SUGP1: variants seen among roughly 807,000 people sequenced by gnomAD.
The protein encoded by SUGP1 is SURP and G-patch domain containing 1, also known as SURP and G-patch domain-containing protein 1.
A neutral mutation model predicts 76.5 loss-of-function variants in SUGP1; 34 were observed. That is an observed-to-expected ratio of 0.44 (90% CI 0.34 to 0.59). The LOEUF is 0.59. SUGP1 is among the 20% of genes least tolerant of loss of function. SUGP1 has a pLI of 0.01. For synonymous variants in SUGP1, 326 were observed against 326.2 expected, an observed-to-expected ratio of 1.00 and a Z score of 0.01; for missense variants, 752 against 851.7, an observed-to-expected ratio of 0.88 and a Z score of 1.46.
chr19:19,292,504 C>A (rs2061193251), intron 8 of SUGP1, among the ~76,000 whole-genome samples: 1 of 151,922 alleles, frequency 6.6e-6, no homozygotes, highest in African/African-American at 2.4e-5. Flanking sequence ...GAGTTCAAGA[C>A]CAGCCTGGCC....
intron 8 of SUGP1, among the ~76,000 whole-genome samples, chr19:19,282,189 A>G (rs939435124): frequency 3.9e-5 from 6 of 152,054 alleles, no homozygotes; most frequent in African/African-American, 1.4e-4. Context: ...CATATTAGTC[A>G]GGCTGGTCTT....
intron 8 of SUGP1, among the ~76,000 whole-genome samples, chr19:19,291,849 C>T (rs1217483888): frequency 2.7e-5 from 4 of 150,244 alleles, no homozygotes; most frequent in East Asian, 3.9e-4. Flanking sequence ...GCCGAGATCA[C>T]GCCACTGCAC....
chr19:19,310,164 G>C lies in SUGP1; in HGVS notation c.243C>G (p.Asn81Lys). 1.2e-6 allele frequency: 2 copies of C among 1,613,816 alleles called. No homozygotes were observed. Among genetic ancestry groups the C allele is most frequent in the Non-Finnish European group, 1.7e-6 (2 of 1,179,746 alleles). ...TNAHNSSCIS[N>K]KFANDGSFLQ... Reference sequence around the variant, plus strand: ...AGAAGCTACCATCGTTGGCAAACTTGTTGGAAATGCAGGAAGAGTTGTGTG... The same window carrying C: ...AGAAGCTACCATCGTTGGCAAACTTCTTGGAAATGCAGGAAGAGTTGTGTG... The change falls in exon 3 of 14, where the codon AAC (asparagine) becomes AAG (lysine). Residue 81 changes from asparagine (N) to lysine (K), a missense_variant. This residue lies in a region of SUGP1 where 620 missense variants were observed against 617.3 expected (regional missense o/e 1.00). Transcript: ENST00000247001.
chr19:19,295,945 G>A (rs1420278718), intron 8 of SUGP1, among the ~76,000 whole-genome samples: 1 of 152,194 alleles, frequency 6.6e-6, no homozygotes, highest in Non-Finnish European at 1.5e-5. Flanking sequence ...ATAAGCATAT[G>A]AAAATAAGCT....
intron 12 of SUGP1, among the ~76,000 whole-genome samples, 173 bp downstream of exon 12, chr19:19,277,561 C>T (rs771285640): frequency 3.9e-5 from 6 of 152,316 alleles, no homozygotes; most frequent in African/African-American, 1.4e-4. Context: ...GGACCCAGCC[C>T]GTATGGCCTC....
rs186067961 is a variant in SUGP1 at position 19,280,444 on chromosome 19, G to A, written c.1244-153C>T. 387 of 679,704 alleles carry A rather than the reference G, an allele frequency of 5.7e-4. 1 individual carries two copies. The highest frequency in any genetic ancestry group is 1.1e-3 in the Admixed American group (42 of 39,484). The allele number at this position is 679,704 out of a possible 1,614,324, so 42.1% of individuals were successfully genotyped here. On this transcript the variant is annotated intron_variant, in intron 8 of 13. Transcript: ENST00000247001. The stretch of plus-strand genomic sequence containing the variant: ...CTGTCAGTGCCACGTGGTACGTGAC[G>A]GCCTCGGGGTCCCGCTGTGTGCTGC...
chr19:19,290,120 C>T lies in SUGP1; in HGVS notation c.1243+6869G>A, dbSNP rs78586386. ...GTGGTAGACTGGCAGATGTGACCCG[C>T]CATCACACAAGAAGAATGGAAGAGA... On this transcript the variant is annotated intron_variant, in intron 8 of 13. Transcript: ENST00000247001. Among the ~76,000 whole-genome samples the T allele has an allele frequency of 3.1e-3, 473 of 152,158 alleles. 4 individuals carry two copies. The highest frequency in any genetic ancestry group is 0.01 in the African/African-American group (434 of 41,528).
chr19:19,303,178 G>T (rs1424967805), intron 6 of SUGP1, among the ~76,000 whole-genome samples, 170 bp downstream of exon 6: 1 of 152,170 alleles, frequency 6.6e-6, no homozygotes, highest in Non-Finnish European at 1.5e-5. Context: ...GAGGGGGAAG[G>T]TGGTGTCAGA....
At chr19:19,291,585 C>T (rs1001529081) in intron 8 of SUGP1, among the ~76,000 whole-genome samples, 1 of 151,808 alleles carries the variant, frequency 6.6e-6, no homozygotes, top group African/African-American at 2.4e-5. Flanking sequence ...TCGAAAAAAC[C>T]TTCCAACAAA....
intron 2 of SUGP1, among the ~76,000 whole-genome samples, chr19:19,310,977 C>T (rs1383864275): frequency 1.3e-5 from 2 of 152,026 alleles, no homozygotes; most frequent in East Asian, 3.9e-4. Flanking sequence ...GCTCTGCTGC[C>T]CTGGCTAAAG....
At chr19:19,289,005 C>T (rs1182982995) in intron 8 of SUGP1, among the ~76,000 whole-genome samples, 1 of 151,676 alleles carries the variant, frequency 6.6e-6, no homozygotes, top group Admixed American at 6.6e-5. Flanking sequence ...AGGCTGGTCT[C>T]GGACTCCTGA....
intron 6 of SUGP1, among the ~76,000 whole-genome samples, chr19:19,302,890 C>G (rs1318398237): frequency 4.6e-5 from 7 of 152,282 alleles, no homozygotes; most frequent in Middle Eastern, 3.4e-3. Context: ...TTCCCCTTCC[C>G]CTGAAATTCA....
At position 19,302,373 on chromosome 19, in the gene SUGP1, T is replaced by G. The variant is rs139824492; in HGVS notation, c.779A>C (p.Asp260Ala). Residue 260 changes from aspartate (D) to alanine (A), a missense_variant, in exon 7 of 14, where the codon GAC becomes GCC. By Grantham distance (126) the Asp-to-Ala change is moderately radical (BLOSUM62 -2). Transcript: ENST00000247001. ...AASQKVSPPE[D>A]EEVKNLAEKL... ...TTCTGCAAGGTTCTTGACCTCTTCG[T>G]CCTCTGGGGGTGAAACTTTAAGCAG... 19 of 1,614,036 alleles carry G rather than the reference T, an allele frequency of 1.2e-5. No individual in the cohort carries two copies. The South Asian group carries it at 2.0e-4, about 17-fold the overall frequency.
intron 8 of SUGP1, among the ~76,000 whole-genome samples, chr19:19,283,925 G>A (rs984115727): frequency 2.6e-5 from 4 of 152,178 alleles, no homozygotes; most frequent in African/African-American, 7.2e-5. Context: ...TAGTGCACAC[G>A]GTACTACTGT....
chr19:19,316,212 T>G, intron 2 of SUGP1: 25 of 601,296 alleles, frequency 4.2e-5, no homozygotes, highest in Middle Eastern at 4.5e-4. Context: ...GCTGAGTGGA[T>G]GAGTTGGCAG....
chr19:19,277,691 A>C (rs8107974), intron 12 of SUGP1, 43 bp downstream of exon 12: 1 of 1,601,320 alleles, frequency 6.2e-7, no homozygotes, highest in Non-Finnish European at 8.5e-7. Context: ...GGACCCACAG[A>C]CCCCAAGTTC....
intron 12 of SUGP1, 93 bp from the exon 13 acceptor site, chr19:19,277,169 G>T: frequency 6.8e-7 from 1 of 1,471,756 alleles, no homozygotes; most frequent in Non-Finnish European, 9.1e-7. Flanking sequence ...ACCTCCCGCG[G>T]GTGCAGGGCT....
chr19:19,306,349 ACTGGGGACAGTT>A (rs2061317932), intron 3 of SUGP1, among the ~76,000 whole-genome samples: 4 of 152,184 alleles, frequency 2.6e-5, no homozygotes, highest in Non-Finnish European at 4.4e-5. Flanking sequence ...GCACCCACAG[ACTGGGGACAGTT>A]CTGGGGACAG....
chr19:19,298,778 A>G (rs964897130), intron 7 of SUGP1, among the ~76,000 whole-genome samples: 5 of 152,188 alleles, frequency 3.3e-5, no homozygotes, highest in Non-Finnish European at 7.4e-5. Context: ...GAGTTCAGAC[A>G]TGGATTTGAG....
Sources: allele counts gnomAD v4.1 joint callset (sites outside exome capture counted in the v4.1 genomes callset), GRCh38; gene constraint gnomAD v4.1.1; regional missense constraint gnomAD v4.1.1; transcripts MANE v1.5; gene names NCBI Gene and HGNC (gene_info 2026-07-23, HGNC 2026-07-21).